Variants in ALAS1 observed in about 807,000 individuals in gnomAD.
ALAS1 encodes 5-aminolevulinate synthase, non-specific, mitochondrial.
A neutral mutation model predicts 59.6 loss-of-function variants in ALAS1; 29 were observed. The ratio of observed to expected loss-of-function variants is 0.49; its 90% CI spans 0.36 to 0.66. The LOEUF is 0.66. Ranked by LOEUF, ALAS1 falls within the 30% of genes least tolerant of loss-of-function variation. The pLI is 0.00. For missense variants in ALAS1, 690 were observed against 807.5 expected (o/e 0.85, Z 1.76); for synonymous variants, 299 against 296.6 (o/e 1.01, Z -0.08).
chr3:52,203,000 C>T (rs1227724661), intron 4 of ALAS1, among the ~76,000 whole-genome samples: 1 of 152,102 alleles, frequency 6.6e-6, no homozygotes, highest in Non-Finnish European at 1.5e-5. Flanking sequence ...CTTGAGCTGC[C>T]ACCAGCTGCC....
rs562627448 is a variant in ALAS1 at position 52,198,839 on chromosome 3, C to A, written c.-42C>A. On this transcript the variant is annotated 5_prime_UTR_variant, in exon 2 of 12. Coordinates refer to ENST00000484952, the MANE Select transcript of ALAS1 (RefSeq NM_000688.6). ...CCTGGATGGATGAGTGGCTTCTTCTCCACCTAGATGTAAGCCAAGATGTCT... is the reference window on the plus strand; with the variant it reads ...CCTGGATGGATGAGTGGCTTCTTCTACACCTAGATGTAAGCCAAGATGTCT... 1 of 1,535,688 alleles carries A rather than the reference C, an allele frequency of 6.5e-7. No homozygotes were observed. The highest frequency in any genetic ancestry group is 1.4e-5 in the African/African-American group (1 of 73,162).
At chr3:52,210,748 C>CTTTT (rs1338366641) in intron 9 of ALAS1, among the ~76,000 whole-genome samples, 2 of 152,068 alleles carry the variant, frequency 1.3e-5, no homozygotes, top group African/African-American at 4.8e-5. Flanking sequence ...CACTGCACTC[C>CTTTT]AGCCTGGGTG....
intron 9 of ALAS1, 83 bp downstream of exon 9, chr3:52,208,330 G>A: frequency 1.3e-6 from 2 of 1,490,436 alleles, no homozygotes; most frequent in Non-Finnish European, 9.2e-7. Flanking sequence ...GGGATCAGGT[G>A]AGGAGACAGC....
Position 52,199,266 on chromosome 3 carries a change from C to G in ALAS1, c.25C>G (p.Pro9Ala). The G allele has an allele frequency of 6.2e-7, 1 of 1,614,210 alleles. No individual in the cohort carries two copies. Among genetic ancestry groups the G allele is most frequent in the Non-Finnish European group, 8.5e-7 (1 of 1,180,046 alleles). MESVVRRC[P>A]FLSRVPQAFL... ...CATGGAGAGTGTTGTTCGCCGCTGC[C>G]CATTCTTATCCCGAGTCCCCCAGGC... The change falls in exon 3 of 12, where the codon CCA becomes GCA. Residue 9 changes from proline to alanine, a missense_variant. Physicochemically the swap from Pro to Ala is conservative, Grantham distance 27 (BLOSUM62 -1). Coordinates refer to ENST00000484952, the MANE Select transcript of ALAS1 (RefSeq NM_000688.6).
intron 7 of ALAS1, among the ~76,000 whole-genome samples, 158 bp downstream of exon 7, chr3:52,206,181 A>G (rs966430105): frequency 1.1e-4 from 16 of 152,224 alleles, no homozygotes; most frequent in African/African-American, 2.7e-4. Context: ...CTGACTGTAC[A>G]TTATGGGTTC....
chr3:52,199,891 G>A (rs1364243204), intron 3 of ALAS1, among the ~76,000 whole-genome samples: 3 of 151,994 alleles, frequency 2.0e-5, no homozygotes, highest in Non-Finnish European at 2.9e-5. Context: ...ATGCAGTCTC[G>A]GCTTACTGCA....
At chr3:52,211,951 T>C (rs917874273) in intron 10 of ALAS1, among the ~76,000 whole-genome samples, 4 of 152,256 alleles carry the variant, frequency 2.6e-5, no homozygotes, top group African/African-American at 9.6e-5. Context: ...TGAATACAGC[T>C]AGTATAACTG....
chr3:52,204,544 C>T (rs909100488), intron 5 of ALAS1, 149 bp from the exon 6 acceptor site: 7 of 671,608 alleles, frequency 1.0e-5, no homozygotes, highest in African/African-American at 3.6e-5. Flanking sequence ...CCAAACACGA[C>T]ATACAGTCTT....
chr3:52,198,350 C>T (rs896278018), intron 1 of ALAS1, 95 bp downstream of exon 1: 19 of 408,728 alleles, frequency 4.6e-5, no homozygotes, highest in African/African-American at 3.9e-4. Flanking sequence ...GGGACCCCAT[C>T]CCCCACTGTC....
chr3:52,213,182 C>T (rs1258284639), intron 11 of ALAS1, among the ~76,000 whole-genome samples: 2 of 152,208 alleles, frequency 1.3e-5, no homozygotes. Flanking sequence ...TTTTCAACTG[C>T]CCCGTGGTTC....
chr3:52,198,931 T>G, intron 2 of ALAS1, 83 bp downstream of exon 2: 1 of 1,437,410 alleles, frequency 7.0e-7, no homozygotes, highest in Non-Finnish European at 9.4e-7. Flanking sequence ...CTTTCCCTCA[T>G]CCTTCCGCCC....
In ALAS1 at chr3:52,211,562, G is replaced by A. The variant is rs769664174; in HGVS notation, c.1599+11G>A. 1.2e-6 allele frequency: 2 copies of A among 1,612,202 alleles called. No homozygotes were observed. Among genetic ancestry groups the A allele is most frequent in the Admixed American group, 1.7e-5 (1 of 59,986 alleles). ...ATCATCCCTGTGCGGGTAATGGCCTGTCTCTGATTGGACTTGCCGTGGGGT... is the reference window on the plus strand; with the variant it reads ...ATCATCCCTGTGCGGGTAATGGCCTATCTCTGATTGGACTTGCCGTGGGGT... On this transcript the variant is annotated intron_variant, in intron 10 of 11. Transcript: ENST00000484952.
At position 52,212,600 on chromosome 3, in the gene ALAS1, C is replaced by T. The variant is rs2107284512; in HGVS notation, c.1762+180C>T. ...AGGCTGGAGTACAATGGCACAATCT[C>T]GGCTCACCGCAACCCCTGCCTCCCA... On this transcript the variant is annotated intron_variant, in intron 11 of 11. Transcript: ENST00000484952. 7.2e-6 allele frequency: 5 copies of T among 698,848 alleles called. 1 individual carries two copies. Among genetic ancestry groups the T allele is most frequent in the South Asian group, 3.5e-5 (2 of 56,502 alleles). 43.3% of individuals were successfully genotyped at this position (698,848 alleles called of 1,614,324 possible).
At chr3:52,200,300 C>G (rs1055247547) in intron 3 of ALAS1, among the ~76,000 whole-genome samples, 3 of 152,202 alleles carry the variant, frequency 2.0e-5, no homozygotes, top group Non-Finnish European at 4.4e-5. Flanking sequence ...AACTGAAATT[C>G]TATACCCATC....
chr3:52,202,814 CTAT>C (rs1699215806), intron 4 of ALAS1, 80 bp downstream of exon 4: 5 of 1,330,658 alleles, frequency 3.8e-6, no homozygotes, highest in South Asian at 2.5e-5. Flanking sequence ...TGTGTATGAG[CTAT>C]TATTAGGGCA....
At chr3:52,207,515 AT>A (rs2107275099) in intron 8 of ALAS1, among the ~76,000 whole-genome samples, 1 of 151,296 alleles carries the variant, frequency 6.6e-6, no homozygotes, top group East Asian at 1.9e-4. Flanking sequence ...CAGTGGGTAC[AT>A]GTGCGGGTTT....
At chr3:52,199,504 A>C in intron 3 of ALAS1, 64 bp downstream of exon 3, 1 of 1,483,898 alleles carries the variant, frequency 6.7e-7, no homozygotes. Context: ...GACTAGAAGC[A>C]GTCCCCACAG....
At chr3:52,206,251 G>A (rs1699289612) in intron 7 of ALAS1, among the ~76,000 whole-genome samples, 1 of 152,146 alleles carries the variant, frequency 6.6e-6, no homozygotes, top group South Asian at 2.1e-4. Flanking sequence ...TGAGCTAATT[G>A]CCTCAAATAT....
intron 9 of ALAS1, 150 bp from the exon 10 acceptor site, chr3:52,211,133 A>T (rs770011544): frequency 7.9e-6 from 6 of 759,244 alleles, no homozygotes; most frequent in Non-Finnish European, 1.3e-5. Flanking sequence ...AGACATCATT[A>T]ATGTGGTGCA....
Sources: allele counts gnomAD v4.1 joint callset (sites outside exome capture counted in the v4.1 genomes callset), GRCh38; gene constraint gnomAD v4.1.1; transcripts MANE v1.5; gene names NCBI Gene and HGNC (gene_info 2026-07-23, HGNC 2026-07-21).